Variants in ATG7 observed in about 807,000 individuals in gnomAD.
The protein encoded by ATG7 is ubiquitin-like modifier-activating enzyme ATG7.
Under a neutral mutation model 82.4 loss-of-function variants are expected in ATG7, and 70 were observed. That is an observed-to-expected ratio of 0.85 (90% CI 0.70 to 1.04). The LOEUF (loss-of-function observed/expected upper bound fraction) is 1.04. Ranked by LOEUF, ATG7 falls within the 50% of genes least tolerant of loss-of-function variation. ATG7 has a pLI of 0.00. For missense variants in ATG7, 792 were observed against 864.3 expected (o/e 0.92, Z 1.05); for synonymous variants, 287 against 313.0 (o/e 0.92, Z 0.88).
At chr3:11,532,224 C>G (rs1035225033) in intron 20 of ATG7, among the ~76,000 whole-genome samples, 3 of 152,100 alleles carry the variant, frequency 2.0e-5, no homozygotes, top group African/African-American at 7.2e-5. Context: ...TTTATTGATG[C>G]AATGCACCAC....
intron 20 of ATG7, among the ~76,000 whole-genome samples, chr3:11,532,242 G>A (rs1425545642): frequency 6.6e-6 from 1 of 152,186 alleles, no homozygotes; most frequent in Non-Finnish European, 1.5e-5. Context: ...CACATGAGAT[G>A]CTGCAGACAC....
intron 20 of ATG7, among the ~76,000 whole-genome samples, chr3:11,535,850 C>A (rs1035817826): frequency 7.9e-5 from 12 of 152,220 alleles, no homozygotes; most frequent in Non-Finnish European, 1.2e-4. Flanking sequence ...AATGGTGAAG[C>A]ATATCAGTCC....
chr3:11,422,375 T>A (rs577786064), intron 19 of ATG7, among the ~76,000 whole-genome samples: 10 of 152,382 alleles, frequency 6.6e-5, no homozygotes, highest in African/African-American at 2.4e-4. Flanking sequence ...CTCTCACTTT[T>A]ATGTTATGGA....
At chr3:11,287,909 A>G (rs1296778001) in intron 3 of ATG7, among the ~76,000 whole-genome samples, 1 of 152,266 alleles carries the variant, frequency 6.6e-6, no homozygotes, top group Non-Finnish European at 1.5e-5. Context: ...ACAGGTTTGG[A>G]AGATCATTTA....
chr3:11,528,938 C>T (rs997382614), intron 20 of ATG7, among the ~76,000 whole-genome samples: 8 of 151,914 alleles, frequency 5.3e-5, no homozygotes, highest in South Asian at 4.2e-4. Context: ...ACTGCATATT[C>T]GGTCAGACTG....
intron 20 of ATG7, among the ~76,000 whole-genome samples, chr3:11,448,591 T>TACCCA (rs1257830827): frequency 6.6e-6 from 1 of 152,190 alleles, no homozygotes; most frequent in Non-Finnish European, 1.5e-5. Context: ...CTTGCACAAA[T>TACCCA]GAGCAGTTGT....
At chr3:11,298,083 G>A (rs544688180) in intron 3 of ATG7, among the ~76,000 whole-genome samples, 1 of 152,106 alleles carries the variant, frequency 6.6e-6, no homozygotes, top group South Asian at 2.1e-4. Context: ...GGAGGCTGAG[G>A]CAGGAGAATT....
intron 20 of ATG7, among the ~76,000 whole-genome samples, chr3:11,516,586 G>C (rs1178814417): frequency 6.6e-6 from 1 of 152,146 alleles, no homozygotes; most frequent in Non-Finnish European, 1.5e-5. Context: ...ACCCGAATTA[G>C]TTGATAATAG....
At chr3:11,497,435 A>G (rs1182261369) in intron 20 of ATG7, among the ~76,000 whole-genome samples, 4 of 129,404 alleles carry the variant, frequency 3.1e-5, no homozygotes, top group Non-Finnish European at 4.8e-5. Flanking sequence ...CCAGCTACTC[A>G]GGAGGCAGGA....
At chr3:11,377,955 A>T (rs2077546236) in intron 18 of ATG7, among the ~76,000 whole-genome samples, 1 of 151,192 alleles carries the variant, frequency 6.6e-6, no homozygotes, top group African/African-American at 2.4e-5. Context: ...CATTCCTGAG[A>T]TGTTAGGAAC....
chr3:11,536,669 C>T (rs1027333788), intron 20 of ATG7, among the ~76,000 whole-genome samples: 1 of 152,212 alleles, frequency 6.6e-6, no homozygotes, highest in Non-Finnish European at 1.5e-5. Context: ...TGCCACTGCA[C>T]CCATAGGTGC....
chr3:11,432,415 C>T (rs1458717433), intron 20 of ATG7, among the ~76,000 whole-genome samples: 1 of 151,992 alleles, frequency 6.6e-6, no homozygotes, highest in Non-Finnish European at 1.5e-5. Flanking sequence ...CACATAAATG[C>T]CATTTGCCTT....
rs2077076838 is a variant in ATG7, at chr3:11,372,609, C to CT, written c.1876-7363_1876-7362insT. On this transcript the variant is annotated intron_variant, in intron 18 of 20. Transcript: ENST00000693202. ...AGCTCCTTTGTGCCTTCTCCCAGTT[C>CT]ATCTCCCCACCCTCAGCCCCAGGCA... Among the ~76,000 whole-genome samples, 3 of 151,020 alleles carry CT rather than the reference C, an allele frequency of 2.0e-5. 1 individual carries two copies. Among genetic ancestry groups the CT allele is most frequent in the African/African-American group, 7.3e-5 (3 of 40,930 alleles).
chr3:11,457,682 A>G (rs923028112), intron 20 of ATG7, among the ~76,000 whole-genome samples: 2 of 152,174 alleles, frequency 1.3e-5, no homozygotes, highest in Admixed American at 6.5e-5. Flanking sequence ...GGGGTGACAG[A>G]TCAATTTCAA....
chr3:11,464,576 C>T (rs376162200), intron 20 of ATG7, among the ~76,000 whole-genome samples: 40 of 152,160 alleles, frequency 2.6e-4, no homozygotes, highest in African/African-American at 9.4e-4. Context: ...AAGAGTCATT[C>T]TTGTTTCTTG....
At chr3:11,429,822 C>A (rs2152949589) in intron 20 of ATG7, among the ~76,000 whole-genome samples, 1 of 151,924 alleles carries the variant, frequency 6.6e-6, no homozygotes, top group South Asian at 2.1e-4. Context: ...GCAATGTGCG[C>A]CTGTAGTCCC....
chr3:11,511,067 G>A (rs561016281), intron 20 of ATG7, among the ~76,000 whole-genome samples: 6 of 152,272 alleles, frequency 3.9e-5, no homozygotes, highest in East Asian at 1.9e-4. Context: ...GCAGACCTTC[G>A]CGGTGAGTGT....
chr3:11,469,591 T>C lies in ATG7; in HGVS notation c.2079+42665T>C, dbSNP rs563616860. ...ACTTGGCCTTTCACCTGAGGAAGTA[T>C]AGGATGGGAGCTGCATGTCCCAGCT... is the stretch of plus-strand genomic sequence containing the variant. On this transcript the variant is annotated intron_variant, in intron 20 of 20. Coordinates refer to ENST00000693202, the MANE Select transcript of ATG7 (RefSeq NM_001349232.2). 1.1e-3 allele frequency among the ~76,000 whole-genome samples: 166 copies of C among 152,276 alleles called. 1 individual carries two copies. Among genetic ancestry groups the C allele is most frequent in the African/African-American group, 3.6e-3 (150 of 41,550 alleles).
intron 6 of ATG7, among the ~76,000 whole-genome samples, chr3:11,307,772 A>G (rs1384185000): frequency 1.3e-5 from 2 of 152,202 alleles, no homozygotes; most frequent in African/African-American, 4.8e-5. Flanking sequence ...AACCGCTGTA[A>G]TCAAGGAGTC....
Sources: gnomAD v4.1 joint callset for allele counts (sites outside exome capture counted in the v4.1 genomes callset) on GRCh38, gnomAD v4.1.1 for gene constraint, MANE v1.5 for transcripts, NCBI Gene and HGNC (gene_info 2026-07-23, HGNC 2026-07-21) for gene names.